The following SYNE1 variants were observed in gnomAD, a reference collection of about 807,000 sequenced individuals.
The protein encoded by SYNE1 is spectrin repeat containing nuclear envelope protein 1.
A neutral mutation model predicts 1,111.0 loss-of-function variants in SYNE1; 616 were observed. The observed-to-expected ratio is 0.55, with a 90% CI of 0.52 to 0.59. The LOEUF (loss-of-function observed/expected upper bound fraction) is 0.59. SYNE1 is among the 20% of genes least tolerant of loss of function. The probability of loss-of-function intolerance (pLI) is 0.00; values close to 1 mark genes in which losing one functional copy is unlikely to be tolerated. For synonymous variants in SYNE1, 3,855 were observed against 3,825.8 expected, an observed-to-expected ratio of 1.01 and a Z score of -0.28; for missense variants, 10,006 against 10,417.0, an observed-to-expected ratio of 0.96 and a Z score of 1.72.
chr6:152,214,788 G>C lies in SYNE1; in HGVS notation c.22346+118C>G. On this transcript the variant is annotated intron_variant, in intron 122 of 145. Coordinates refer to ENST00000367255, the MANE Select transcript of SYNE1 (RefSeq NM_182961.4). ...TGCGGACTTCCCAGTCTCCAGAACTGTGAGACTGTTCAACATTTCTGTTCT... is the reference window on the plus strand; with the variant it reads ...TGCGGACTTCCCAGTCTCCAGAACTCTGAGACTGTTCAACATTTCTGTTCT... 2.9e-6 allele frequency: 4 copies of C among 1,369,308 alleles called. No individual in the cohort carries two copies. In the South Asian group the frequency reaches 4.7e-5, roughly 16 times the overall value. The allele number at this position is 1,369,308 out of a possible 1,614,324, so 84.8% of individuals were successfully genotyped here.
In SYNE1 at chr6:152,428,394, TAAG is replaced by T. The variant is rs1592495200; in HGVS notation, c.4789-5_4789-3del. The T allele has an allele frequency of 1.9e-6, 3 of 1,613,360 alleles. No individual in the cohort carries two copies. Among genetic ancestry groups the T allele is most frequent in the Middle Eastern group, 1.8e-4 (1 of 5,534 alleles). On this transcript the variant is annotated splice_polypyrimidine_tract_variant and splice_region_variant and intron_variant, in intron 36 of 145. Transcript: ENST00000367255. ...TGACTCCAGGGCCTGGCAGAGATCC[TAAG>T]AAGAGTGCGAGAAGAATGCAGTGAA...
At chr6:152,459,171 A>G (rs2098715726) in intron 21 of SYNE1, among the ~76,000 whole-genome samples, 3 of 152,172 alleles carry the variant, frequency 2.0e-5, no homozygotes, top group Non-Finnish European at 4.4e-5. Context: ...AAATTCATCT[A>G]AATCGTCCAT....
chr6:152,354,486 A>G (rs1344450744), intron 67 of SYNE1, among the ~76,000 whole-genome samples, 173 bp downstream of exon 67: 1 of 152,232 alleles, frequency 6.6e-6, no homozygotes, highest in Non-Finnish European at 1.5e-5. Context: ...CTAATTTATG[A>G]AATAATTGCT....
chr6:152,500,941 A>T (rs1973833), intron 10 of SYNE1, among the ~76,000 whole-genome samples: 18,818 of 139,676 alleles, frequency 0.13, 1,590 homozygotes, highest in East Asian at 0.47. Context: ...ACAGAGTGAG[A>T]CTCCATCTCA....
Position 152,318,086 on chromosome 6 carries a change from T to C in SYNE1, c.16567A>G (p.Asn5523Asp), listed in dbSNP as rs747781282. The C allele has an allele frequency of 1.2e-6, 2 of 1,613,488 alleles. No homozygotes were observed. The highest frequency in any genetic ancestry group is 2.2e-5 in the South Asian group (2 of 91,070). The part of the protein sequence containing the change: ...RQAENRLSKL[N>D]QAASHLEEYN... Reference sequence around the variant, plus strand: ...TTCTGGCCCGGAACACATACCTGATTGAGCTTGGAGAGCCGATTCTCAGCT... The same window carrying C: ...TTCTGGCCCGGAACACATACCTGATCGAGCTTGGAGAGCCGATTCTCAGCT... The change falls in exon 86 of 146, where the codon AAT becomes GAT. Residue 5523 changes from asparagine to aspartate, a missense_variant. Asn to Asp is a conservative substitution (Grantham distance 23). Transcript: ENST00000367255.
intron 91 of SYNE1, among the ~76,000 whole-genome samples, chr6:152,303,498 T>C (rs34689334): frequency 0.23 from 34,247 of 151,792 alleles, 4,137 homozygotes; most frequent in South Asian, 0.37. Flanking sequence ...TTCATATATA[T>C]ACACACACAT....
rs114740842 is a variant in SYNE1, at chr6:152,163,770, A to C, written c.23790+393T>G. On this transcript the variant is annotated intron_variant, in intron 131 of 145. Coordinates refer to ENST00000367255, the MANE Select transcript of SYNE1 (RefSeq NM_182961.4). ...CCCCAAACACTATACACAGGAAAAA[A>C]AGTCGGGGGCAGGGGGGCTCCTTTC... 5.0e-3 allele frequency among the ~76,000 whole-genome samples: 760 copies of C among 152,252 alleles called. 6 individuals are homozygous for C. The highest frequency in any genetic ancestry group is 0.017 in the African/African-American group (701 of 41,546).
Position 152,398,605 on chromosome 6 carries a change from G to A in SYNE1, c.7350+14C>T, listed in dbSNP as rs1001713189. Reference sequence around the variant, plus strand: ...CATTTTGGGGAAGAAGGAAAAGGATGTCAGCTTCTATACCTGAAGATCATG... The same window carrying A: ...CATTTTGGGGAAGAAGGAAAAGGATATCAGCTTCTATACCTGAAGATCATG... On this transcript the variant is annotated intron_variant, in intron 49 of 145. Transcript: ENST00000367255. The A allele has an allele frequency of 3.1e-6, 5 of 1,606,646 alleles. No homozygotes were observed. The African/African-American group carries it at 5.3e-5, about 17-fold the overall frequency.
chr6:152,444,882 G>A (rs966208747), intron 29 of SYNE1, among the ~76,000 whole-genome samples: 11 of 151,888 alleles, frequency 7.2e-5, no homozygotes, highest in Admixed American at 2.6e-4. Context: ...TGTACTCTTC[G>A]ATCAAAACCC....
At chr6:152,215,201 C>A (rs1297682891) in intron 121 of SYNE1, 141 bp from the exon 122 acceptor site, 2 of 923,834 alleles carry the variant, frequency 2.2e-6, no homozygotes, top group East Asian at 2.6e-5. Context: ...CACTTACTTA[C>A]AATCTCTAGG....
At position 152,374,428 on chromosome 6, in the gene SYNE1, A is replaced by T. The variant is rs186694332; in HGVS notation, c.9325-1209T>A. Among the ~76,000 whole-genome samples, 387 of 152,314 alleles carry T rather than the reference A, an allele frequency of 2.5e-3. 5 individuals are homozygous for T. Among genetic ancestry groups the T allele is most frequent in the Admixed American group, 7.7e-3 (118 of 15,300 alleles). ...TCTTAATGGATGGCCATCCCTGTCCATGGAGGCATGCTGTGGTGGGAGGGT... is the reference window on the plus strand; with the variant it reads ...TCTTAATGGATGGCCATCCCTGTCCTTGGAGGCATGCTGTGGTGGGAGGGT... On this transcript the variant is annotated intron_variant, in intron 58 of 145. Coordinates refer to ENST00000367255, the MANE Select transcript of SYNE1 (RefSeq NM_182961.4).
chr6:152,132,359 C>A, intron 143 of SYNE1, 145 bp from the exon 144 acceptor site: 1 of 761,338 alleles, frequency 1.3e-6, no homozygotes, highest in Non-Finnish European at 2.3e-6. Context: ...GAAAATGGAA[C>A]CAGACAGGTA....
intron 3 of SYNE1, among the ~76,000 whole-genome samples, chr6:152,592,278 T>C (rs1307612514): frequency 1.3e-5 from 2 of 152,182 alleles, no homozygotes; most frequent in East Asian, 3.9e-4. Context: ...GGTTCCTTGC[T>C]GTACCATTCA....
intron 3 of SYNE1, among the ~76,000 whole-genome samples, chr6:152,626,073 C>T (rs1182080599): frequency 6.6e-6 from 1 of 152,136 alleles, no homozygotes; most frequent in Non-Finnish European, 1.5e-5. Context: ...ATTTCTCAAG[C>T]AAAACTAAAT....
intron 110 of SYNE1, among the ~76,000 whole-genome samples, chr6:152,235,881 A>G (rs2083905010): frequency 6.6e-6 from 1 of 152,076 alleles, no homozygotes; most frequent in Admixed American, 6.5e-5. Flanking sequence ...AGCAGGGACC[A>G]CAGGCATGTG....
intron 74 of SYNE1, among the ~76,000 whole-genome samples, chr6:152,340,945 G>A (rs189622653): frequency 4.7e-4 from 72 of 152,232 alleles, no homozygotes; most frequent in African/African-American, 1.7e-3. Flanking sequence ...TACATAAATA[G>A]GGATAAATAA....
In SYNE1 at chr6:152,428,277, T is replaced by C; in HGVS notation, c.4904A>G (p.Gln1635Arg). ...CVQEAAALQQ[Q>R]YEDILRRAKE... ...CGCCCTCCTTAGGATGTCCTCGTAT[T>C]GCTGCTGTAGAGCCGCAGCCTCCTG... is the stretch of plus-strand genomic sequence containing the variant. The change falls in exon 37 of 146, where the codon CAA becomes CGA. Residue 1635 changes from glutamine (Q) to arginine (R), a missense_variant. Gln to Arg is a conservative substitution (Grantham distance 43). Around this residue, in one of 7 missense-constraint regions of SYNE1, gnomAD observed 1,971 missense variants for 2,084.1 expected, o/e 0.95. Coordinates refer to ENST00000367255, the MANE Select transcript of SYNE1 (RefSeq NM_182961.4). 1 of 1,614,170 alleles carries C rather than the reference T, an allele frequency of 6.2e-7. No individual in the cohort carries two copies.
intron 97 of SYNE1, 117 bp downstream of exon 97, chr6:152,281,690 G>A: frequency 9.2e-7 from 1 of 1,090,054 alleles, no homozygotes; most frequent in Non-Finnish European, 1.4e-6. Context: ...AATGTATAAA[G>A]TCTATGGGTT....
chr6:152,240,086 C>T (rs372722031), intron 107 of SYNE1, among the ~76,000 whole-genome samples: 122 of 152,216 alleles, frequency 8.0e-4, no homozygotes, highest in African/African-American at 2.8e-3. Context: ...GACAGCTCTG[C>T]ATTTCTAGAG....
Sources: gnomAD v4.1 joint callset for allele counts (sites outside exome capture counted in the v4.1 genomes callset) on GRCh38, gnomAD v4.1.1 for gene constraint, gnomAD v4.1.1 regional missense constraint, MANE v1.5 for transcripts, NCBI Gene and HGNC (gene_info 2026-07-23, HGNC 2026-07-21) for gene names.